The following COL10A1 variants were observed in gnomAD, a reference collection of about 807,000 sequenced individuals.
COL10A1 encodes the protein collagen alpha-1(X) chain.
A neutral mutation model predicts 18.2 loss-of-function variants in COL10A1; 10 were observed. The observed-to-expected ratio is 0.55, with a 90% confidence interval of 0.34 to 0.93. The LOEUF (loss-of-function observed/expected upper bound fraction) is 0.93, where lower values mean the gene tolerates loss of function less well. COL10A1 is among the 40% of genes least tolerant of loss of function. The pLI, the probability that COL10A1 is intolerant of heterozygous loss-of-function variation, is 0.02. For missense variants in COL10A1, 897 were observed against 853.5 expected (o/e 1.05, Z -0.64); for synonymous variants, 330 against 316.6 (o/e 1.04, Z -0.45).
chr6:116,148,123 A>G (rs1779945149), intron 1 of COL10A1, among the ~76,000 whole-genome samples: 1 of 152,208 alleles, frequency 6.6e-6, no homozygotes, highest in Non-Finnish European at 1.5e-5. Context: ...CATAATTGAT[A>G]TGTATGTAAC....
At chr6:116,130,754 G>T (rs1402194157), upstream of COL10A1, among the ~76,000 whole-genome samples, 1 of 152,016 alleles carries the variant, frequency 6.6e-6, no homozygotes, top group Non-Finnish European at 1.5e-5. Flanking sequence ...TCTTGTATCT[G>T]TAGCTGCTTG....
rs1367631238 is a variant in COL10A1, at chr6:116,121,699, G to GC, written c.416dup (p.Pro141ThrfsTer61). Reference sequence around the variant, plus strand: ...CAGGGATTCCAGGTGGTCCTGGTGGGCCCCGGGGTCCTGGTAGGCCAGCTG... The same window carrying GC: ...CAGGGATTCCAGGTGGTCCTGGTGGGCCCCCGGGGTCCTGGTAGGCCAGCTG... On this transcript the variant is annotated frameshift_variant, in exon 3 of 3. Coordinates refer to ENST00000651968, the MANE Select transcript of COL10A1 (RefSeq NM_000493.4). LOFTEE classifies it low-confidence loss of function (END_TRUNC). 1 of 1,613,870 alleles carries GC rather than the reference G, an allele frequency of 6.2e-7. No homozygotes were observed. Among genetic ancestry groups the GC allele is most frequent in the African/African-American group, 1.3e-5 (1 of 74,856 alleles).
At chr6:116,129,755 T>G (rs1330138105), upstream of COL10A1, among the ~76,000 whole-genome samples, 2 of 152,230 alleles carry the variant, frequency 1.3e-5, no homozygotes, top group Non-Finnish European at 2.9e-5. Flanking sequence ...TCTAGGTGTC[T>G]TGTGTCACTT....
the COL10A1 span, among the ~76,000 whole-genome samples, chr6:116,209,616 C>A: frequency 6.6e-6 from 1 of 151,802 alleles, no homozygotes; most frequent in African/African-American, 2.4e-5. Flanking sequence ...CCAAGGTTCA[C>A]CAGGCAGCAG....
upstream of COL10A1, among the ~76,000 whole-genome samples, chr6:116,163,137 AAAAAATAT>A (rs1052221669): frequency 9.5e-6 from 1 of 105,420 alleles, no homozygotes; most frequent in Non-Finnish European, 1.8e-5. Context: ...AAAAAAAAAA[AAAAAATAT>A]ATATATATAT....
chr6:116,212,440 A>G, the COL10A1 span, among the ~76,000 whole-genome samples: 1 of 152,180 alleles, frequency 6.6e-6, no homozygotes, highest in East Asian at 1.9e-4. Context: ...TGAACAAGTA[A>G]TCCTTTGTGA....
At chr6:116,158,405 T>C (rs1443366003) in intron 1 of COL10A1, among the ~76,000 whole-genome samples, 2 of 152,200 alleles carry the variant, frequency 1.3e-5, no homozygotes, top group Admixed American at 6.5e-5. Flanking sequence ...AATGATTTAC[T>C]TTTTATTTAA....
the COL10A1 span, among the ~76,000 whole-genome samples, chr6:116,208,242 G>T: frequency 6.6e-6 from 1 of 151,876 alleles, no homozygotes; most frequent in Non-Finnish European, 1.5e-5. Context: ...TGCTTTGCCC[G>T]GAGGCATCCC....
At chr6:116,178,052 AGTGT>A in the COL10A1 span, among the ~76,000 whole-genome samples, 15,475 of 136,276 alleles carry the variant, frequency 0.11, 967 homozygotes, top group Admixed American at 0.17. Flanking sequence ...CAAAGAGGAA[AGTGT>A]GTGTGTGTGT....
the COL10A1 span, among the ~76,000 whole-genome samples, chr6:116,182,040 G>A: frequency 2.6e-5 from 4 of 151,898 alleles, no homozygotes; most frequent in African/African-American, 9.7e-5. Context: ...TTTCCTCCGC[G>A]TCCCCAAAGT....
Position 116,125,296 on chromosome 6 carries a change from A to G in COL10A1, c.154+43T>C, listed in dbSNP as rs374225504. On this transcript the variant is annotated intron_variant, in intron 2 of 2. Coordinates refer to ENST00000651968, the MANE Select transcript of COL10A1 (RefSeq NM_000493.4). Reference sequence around the variant, plus strand: ...GAGATTATTAAGATTATAGAAAGCAACAAGCAACTTGTTAATAGAACAAAA... The same window carrying G: ...GAGATTATTAAGATTATAGAAAGCAGCAAGCAACTTGTTAATAGAACAAAA... The G allele has an allele frequency of 6.1e-5, 97 of 1,600,034 alleles. No homozygotes were observed. The African/African-American group carries it at 1.3e-3, about 21-fold the overall frequency.
chr6:116,168,384 T>C, the COL10A1 span, among the ~76,000 whole-genome samples: 2 of 152,118 alleles, frequency 1.3e-5, no homozygotes, highest in East Asian at 1.9e-4. Flanking sequence ...TATAAACCTA[T>C]CCATTGAGCT....
the COL10A1 span, among the ~76,000 whole-genome samples, chr6:116,192,361 A>G: frequency 6.6e-6 from 1 of 152,038 alleles, no homozygotes; most frequent in African/African-American, 2.4e-5. Flanking sequence ...CGTTTTGGGT[A>G]TACTCGAATA....
chr6:116,210,030 A>G, the COL10A1 span, among the ~76,000 whole-genome samples: 1 of 151,996 alleles, frequency 6.6e-6, no homozygotes, highest in African/African-American at 2.4e-5. Context: ...AATTTTGAGC[A>G]AAATATGTGG....
the COL10A1 span, among the ~76,000 whole-genome samples, chr6:116,186,419 A>G: frequency 3.3e-5 from 5 of 151,652 alleles, no homozygotes; most frequent in African/African-American, 7.3e-5. Flanking sequence ...TTGGATGCCT[A>G]GATCTCTAGC....
At chr6:116,201,449 G>A in the COL10A1 span, among the ~76,000 whole-genome samples, 1 of 151,968 alleles carries the variant, frequency 6.6e-6, no homozygotes, top group Non-Finnish European at 1.5e-5. Flanking sequence ...TAATCCGTTG[G>A]TGGAGAAGAA....
intron 1 of COL10A1, among the ~76,000 whole-genome samples, chr6:116,139,216 C>T (rs746503041): frequency 1.3e-5 from 2 of 152,088 alleles, no homozygotes; most frequent in Non-Finnish European, 2.9e-5. Flanking sequence ...CTGACCTTAT[C>T]AAAGTGTGGA....
At chr6:116,169,108 A>C in the COL10A1 span, among the ~76,000 whole-genome samples, 1 of 152,034 alleles carries the variant, frequency 6.6e-6, no homozygotes, top group Non-Finnish European at 1.5e-5. Flanking sequence ...ACTTTTCTTG[A>C]AGTTGGTGTT....
At chr6:116,129,814 T>C (rs1314089388), upstream of COL10A1, among the ~76,000 whole-genome samples, 5 of 152,192 alleles carry the variant, frequency 3.3e-5, no homozygotes, top group Non-Finnish European at 7.4e-5. Context: ...ATCTGTCTCA[T>C]GCAATTTCCT....
Sources: gnomAD v4.1 joint callset for allele counts (sites outside exome capture counted in the v4.1 genomes callset) on GRCh38, gnomAD v4.1.1 for gene constraint, MANE v1.5 for transcripts, NCBI Gene and HGNC (gene_info 2026-07-23, HGNC 2026-07-21) for gene names.